The following DCHS1 variants were observed in gnomAD, a reference collection of about 807,000 sequenced individuals.
DCHS1 encodes the protein protocadherin-16.
A neutral mutation model predicts 213.9 loss-of-function variants in DCHS1; 78 were observed. That is an observed-to-expected ratio of 0.36 (90% CI 0.30 to 0.44). DCHS1 has a LOEUF of 0.44. Among genes scored for constraint, DCHS1 ranks in the 20% least tolerant of loss-of-function variants. The probability of loss-of-function intolerance (pLI) is 1.00; values close to 1 mark genes in which losing one functional copy is unlikely to be tolerated. For missense variants in DCHS1, 3,946 were observed against 4,395.9 expected, an observed-to-expected ratio of 0.90 and a Z score of 2.89; for synonymous variants, 1,828 against 1,873.7, an observed-to-expected ratio of 0.98 and a Z score of 0.63.
intron 2 of DCHS1, among the ~76,000 whole-genome samples, chr11:6,635,382 T>C (rs1855972624): frequency 6.6e-6 from 1 of 152,206 alleles, no homozygotes; most frequent in Non-Finnish European, 1.5e-5. Context: ...GGGTACACAT[T>C]AGGCCCTCAA....
At position 6,633,885 on chromosome 11, in the gene DCHS1, G is replaced by A. The variant is rs766341427; in HGVS notation, c.2122C>T (p.Arg708Cys). The change falls in exon 4 of 21, where the codon CGT becomes TGT. Residue 708 changes from arginine (R) to cysteine (C), a missense_variant. Arg to Cys is a radical substitution (Grantham distance 180, BLOSUM62 -3). Transcript: ENST00000299441. ...SPPGTAVLRLRAHDPDQGSHG... is the reference protein window; with the variant it reads ...SPPGTAVLRLCAHDPDQGSHG... ...GATCCCTGGTCAGGGTCATGGGCAC[G>A]CAACCTCAGCACAGCTGTGCCTGGT... is the stretch of plus-strand genomic sequence containing the variant. 1.3e-5 allele frequency: 21 copies of A among 1,613,884 alleles called. No individual in the cohort carries two copies. Among genetic ancestry groups the A allele is most frequent in the Middle Eastern group, 1.6e-4 (1 of 6,084 alleles).
chr11:6,628,969 G>T lies in DCHS1; in HGVS notation c.5162-139C>A. ...CTCTCCATACCTCTCAGGCACACAT[G>T]TGTCATGCATACATAAACATACATG... On this transcript the variant is annotated intron_variant, in intron 12 of 20. Coordinates refer to ENST00000299441, the MANE Select transcript of DCHS1 (RefSeq NM_003737.4). The surrounding 1 kb of genome is among the most constrained non-coding windows in gnomAD (Gnocchi z 4.3). The T allele has an allele frequency of 1.1e-6, 1 of 869,984 alleles. No homozygotes were observed. Among genetic ancestry groups the T allele is most frequent in the Non-Finnish European group, 1.8e-6 (1 of 545,448 alleles). The allele number at this position is 869,984 out of a possible 1,614,324, so 53.9% of individuals were successfully genotyped here.
In DCHS1 at chr11:6,621,659, G is replaced by T; in HGVS notation, c.*120C>A. ...GGGGAGTTCAGGGTGGAGAGCTGGG[G>T]CCTGGTGGTGGCCTCCCCGTAGCCA... On this transcript the variant is annotated 3_prime_UTR_variant, in exon 21 of 21. Coordinates refer to ENST00000299441, the MANE Select transcript of DCHS1 (RefSeq NM_003737.4). 8.6e-7 allele frequency: 1 copy of T among 1,162,220 alleles called. No homozygotes were observed. Among genetic ancestry groups the T allele is most frequent in the Non-Finnish European group, 1.2e-6 (1 of 806,238 alleles). 72.0% of individuals were successfully genotyped at this position (1,162,220 alleles called of 1,614,324 possible). A position where few individuals can be genotyped will look rare whatever the true frequency, so the allele number is the denominator to read the frequency against.
Position 6,640,697 on chromosome 11 carries a change from G to C in DCHS1, c.917C>G (p.Ser306Cys), listed in dbSNP as rs1331983020. ...RRQSEGDGPF[S>C]IDAHTGLLQL... ...CAGCAGCCCCGTGTGTGCGTCGATG[G>C]AGAAGGGTCCATCACCCTCGCTCTG... Residue 306 changes from serine (S) to cysteine (C), a missense_variant, in exon 2 of 21, where the codon TCC becomes TGC. Transcript: ENST00000299441. This position sits in a 1 kb window ranked among gnomAD's most constrained non-coding sequence, Gnocchi z 6.5. 3 of 1,613,520 alleles carry C rather than the reference G, an allele frequency of 1.9e-6. No individual in the cohort carries two copies. The highest frequency in any genetic ancestry group is 2.5e-6 in the Non-Finnish European group (3 of 1,179,890).
rs775073456 is a variant in DCHS1, at chr11:6,621,608, T to C, written c.*171A>G. On this transcript the variant is annotated 3_prime_UTR_variant, in exon 21 of 21. Transcript: ENST00000299441. ...ACAGGTCAGTGAGCAACAGGGCTTCTGTGGTCCTAGTACTCTGAGGGGGCT... is the reference window on the plus strand; with the variant it reads ...ACAGGTCAGTGAGCAACAGGGCTTCCGTGGTCCTAGTACTCTGAGGGGGCT... 5 of 778,428 alleles carry C rather than the reference T, an allele frequency of 6.4e-6. No individual in the cohort carries two copies. The highest frequency in any genetic ancestry group is 2.0e-5 in the Admixed American group (1 of 50,024). 48.2% of individuals were successfully genotyped at this position (778,428 alleles called of 1,614,324 possible).
In DCHS1 at chr11:6,624,379, T is replaced by A. The variant is rs752978950; in HGVS notation, c.7297A>T (p.Thr2433Ser). 1.0e-4 allele frequency: 156 copies of A among 1,561,062 alleles called. 1 individual carries two copies. Among genetic ancestry groups the A allele is most frequent in the Non-Finnish European group, 1.3e-4 (151 of 1,151,880 alleles). ...SVDPNNGTLFTIVGTVALGHD... is the reference protein window; with the variant it reads ...SVDPNNGTLFSIVGTVALGHD... ...CCCAAGGCCACTGTTCCCACTATTG[T>A]GAACAGGGTCCCTGAGATGAGAACG... Residue 2433 changes from threonine to serine, a missense_variant, in exon 21 of 21, where the codon ACA becomes TCA. Transcript: ENST00000299441.
intron 1 of DCHS1, among the ~76,000 whole-genome samples, chr11:6,645,247 G>C (rs957255225): frequency 6.6e-6 from 1 of 152,204 alleles, no homozygotes; most frequent in Non-Finnish European, 1.5e-5. Flanking sequence ...AGGTCAGAGG[G>C]ATTCAGAACA....
In DCHS1 at chr11:6,632,457, C is replaced by T; in HGVS notation, c.3055G>A (p.Val1019Ile). The change falls in exon 6 of 21, where the codon GTC (valine) becomes ATC (isoleucine). Residue 1019 changes from valine to isoleucine, a missense_variant. By Grantham distance (29) the Val-to-Ile change is conservative. Transcript: ENST00000299441. This position sits in a 1 kb window ranked among gnomAD's most constrained non-coding sequence, Gnocchi z 5.9. ...GGTGCTTGGGCCTGCACTTGCAGGA[C>T]CTGAGTTCCAGCAGTGGTGCCTGAG... ...LPSGTTAGTQVLQVQAQAPDG... is the reference protein window; with the variant it reads ...LPSGTTAGTQILQVQAQAPDG... 1.3e-6 allele frequency: 2 copies of T among 1,597,204 alleles called. No individual in the cohort carries two copies. The highest frequency in any genetic ancestry group is 1.7e-6 in the Non-Finnish European group (2 of 1,169,650).
chr11:6,628,511 C>T lies in DCHS1; in HGVS notation c.5371+110G>A. On this transcript the variant is annotated intron_variant, in intron 13 of 20. Transcript: ENST00000299441. This position sits in a 1 kb window ranked among gnomAD's most constrained non-coding sequence, Gnocchi z 4.3. The stretch of plus-strand genomic sequence containing the variant: ...GCATGAAAGAAAAGGTGGACGACAT[C>T]AAGAGGGAAAAGGAGACCCAGACAC... The T allele has an allele frequency of 8.1e-7, 1 of 1,241,132 alleles. No individual in the cohort carries two copies. Among genetic ancestry groups the T allele is most frequent in the Admixed American group, 1.9e-5 (1 of 52,768 alleles). The allele number at this position is 1,241,132 out of a possible 1,614,324, so 76.9% of individuals were successfully genotyped here.
In DCHS1 at chr11:6,632,089, G is replaced by A; in HGVS notation, c.3423C>T (p.Thr1141=). The A allele has an allele frequency of 3.2e-6, 5 of 1,547,412 alleles. No individual in the cohort carries two copies. The highest frequency in any genetic ancestry group is 4.4e-6 in the Non-Finnish European group (5 of 1,143,036). Residue 1141 remains threonine (T), a synonymous_variant, in exon 6 of 21, where the codon ACC becomes ACT. Transcript: ENST00000299441. This position sits in a 1 kb window ranked among gnomAD's most constrained non-coding sequence, Gnocchi z 5.9. ...DRDSGPNGRL[T]YSLQQLSEDS... ...CTTCAGACAGCTGTTGCAGGCTGTA[G>A]GTCAGACGTCCATTGGGTCCTGAGT...
In DCHS1 at chr11:6,640,564, C is replaced by T; in HGVS notation, c.1050G>A (p.Val350=). 6.2e-7 allele frequency: 1 copy of T among 1,609,088 alleles called. No individual in the cohort carries two copies. Among genetic ancestry groups the T allele is most frequent in the Non-Finnish European group, 8.5e-7 (1 of 1,179,860 alleles). ...GATTGTCATTGGCATCTCGCACATG[C>T]ACAGTCACAAAGGCCGAGCCCAGCT... is the stretch of plus-strand genomic sequence containing the variant. ...HPELGSAFVT[V]HVRDANDNQP... The change falls in exon 2 of 21, where the codon GTG becomes GTA. Residue 350 remains valine, a synonymous_variant. Coordinates refer to ENST00000299441, the MANE Select transcript of DCHS1 (RefSeq NM_003737.4). The surrounding 1 kb of genome is among the most constrained non-coding windows in gnomAD (Gnocchi z 6.5).
chr11:6,629,828 G>A lies in DCHS1; in HGVS notation c.4879C>T (p.Pro1627Ser). Residue 1627 changes from proline (P) to serine (S), a missense_variant, in exon 11 of 21, where the codon CCG becomes TCG. Physicochemically the swap from Pro to Ser is moderately conservative, Grantham distance 74. Coordinates refer to ENST00000299441, the MANE Select transcript of DCHS1 (RefSeq NM_003737.4). ...LTVVASDHGS[P>S]PRSATQVLTV... ...AGGACCTGCGTGGCCGAGCGCGGCG[G>A]GGAGCCGTGGTCTGAGGCCACCACT... 1 of 1,613,112 alleles carries A rather than the reference G, an allele frequency of 6.2e-7. No individual in the cohort carries two copies.
At position 6,628,427 on chromosome 11, in the gene DCHS1, C is replaced by T. The variant is rs1855845886; in HGVS notation, c.5371+194G>A. 6.6e-6 allele frequency among the ~76,000 whole-genome samples: 1 copy of T among 152,122 alleles called. No individual in the cohort carries two copies. Among genetic ancestry groups the T allele is most frequent in the South Asian group, 2.1e-4 (1 of 4,826 alleles). ...AAGAAAAGAAATAGGAAGATAGAAA[C>T]AGAGACACACAGGGAGATAAAGAGC... On this transcript the variant is annotated intron_variant, in intron 13 of 20. Transcript: ENST00000299441. This position sits in a 1 kb window ranked among gnomAD's most constrained non-coding sequence, Gnocchi z 4.3.
Position 6,631,537 on chromosome 11 carries a change from T to C in DCHS1, c.3675+79A>G, listed in dbSNP as rs961086032. ...ACACCCAATCCAGGAGGCAGTCTCT[T>C]ACCTACACCTACAGCTCTATGGGGA... On this transcript the variant is annotated intron_variant, in intron 7 of 20. Transcript: ENST00000299441. 8.3e-6 allele frequency: 13 copies of C among 1,564,170 alleles called. No individual in the cohort carries two copies. The Admixed American group carries it at 1.8e-4, about 22-fold the overall frequency.
chr11:6,631,911 CA>C, intron 6 of DCHS1, 102 bp from the exon 7 acceptor site: 4 of 1,443,722 alleles, frequency 2.8e-6, no homozygotes, highest in Middle Eastern at 1.8e-4. Flanking sequence ...GAGGGAATGC[CA>C]GGGCTAAATC....
intron 1 of DCHS1, among the ~76,000 whole-genome samples, chr11:6,648,148 C>T (rs1856192958): frequency 6.6e-6 from 1 of 152,180 alleles, no homozygotes; most frequent in African/African-American, 2.4e-5. Flanking sequence ...AAGCCTGCAG[C>T]TTAGCATAGA....
intron 9 of DCHS1, 90 bp from the exon 10 acceptor site, chr11:6,630,953 A>C: frequency 6.6e-7 from 1 of 1,507,708 alleles, no homozygotes; most frequent in Non-Finnish European, 8.9e-7. Context: ...GAAAGTGGTC[A>C]GAGTAGCCTG....
rs757121692 is a variant in DCHS1, at chr11:6,625,245, C to T, written c.7099G>A (p.Glu2367Lys). The change falls in exon 19 of 21, where the codon GAG (glutamate) becomes AAG (lysine). Residue 2367 changes from glutamate (E) to lysine (K), a missense_variant. Glu to Lys is a moderately conservative substitution (Grantham distance 56, BLOSUM62 1). This residue lies in a region of DCHS1 where 3,384 missense variants were observed against 3,780.1 expected (regional missense o/e 0.90). Transcript: ENST00000299441. This position sits in a 1 kb window ranked among gnomAD's most constrained non-coding sequence, Gnocchi z 5.3. ...EGRANLTVLV[E>K]DVNDNAPAFS... ...GCAGGTGCATTGTCATTGACATCCTCCACAAGCACTGTGAGGTTGGCACGG... is the reference window on the plus strand; with the variant it reads ...GCAGGTGCATTGTCATTGACATCCTTCACAAGCACTGTGAGGTTGGCACGG... The T allele has an allele frequency of 6.2e-7, 1 of 1,611,262 alleles. No homozygotes were observed. The highest frequency in any genetic ancestry group is 1.1e-5 in the South Asian group (1 of 90,784).
At position 6,633,192 on chromosome 11, in the gene DCHS1, T is replaced by C. The variant is rs888646633; in HGVS notation, c.2456-136A>G. 37 of 1,213,602 alleles carry C rather than the reference T, an allele frequency of 3.0e-5. 1 individual carries two copies. In the Admixed American group the frequency reaches 9.5e-4, roughly 31 times the overall value. The allele number at this position is 1,213,602 out of a possible 1,614,324, so 75.2% of individuals were successfully genotyped here. A position where few individuals can be genotyped will look rare whatever the true frequency, so the allele number is the denominator to read the frequency against. On this transcript the variant is annotated intron_variant, in intron 5 of 20. Coordinates refer to ENST00000299441, the MANE Select transcript of DCHS1 (RefSeq NM_003737.4). ...AAAATATTAGGAGGAGGGGCAGGGG[T>C]TGGCAAAGAAGTTGGTTGGCACGCA...
Sources: gnomAD v4.1 joint callset for allele counts (sites outside exome capture counted in the v4.1 genomes callset) on GRCh38, gnomAD v4.1.1 for gene constraint, gnomAD v4.1.1 regional missense constraint, Gnocchi (gnomAD v3.1) non-coding constraint, MANE v1.5 for transcripts, NCBI Gene and HGNC (gene_info 2026-07-23, HGNC 2026-07-21) for gene names.